The following LRP2 variants were observed in gnomAD, a reference collection of about 807,000 sequenced individuals.
LRP2 encodes low-density lipoprotein receptor-related protein 2.
Under a neutral mutation model 531.0 loss-of-function variants are expected in LRP2, and 172 were observed. That is an observed-to-expected ratio of 0.32 (90% CI 0.29 to 0.37). The LOEUF (loss-of-function observed/expected upper bound fraction) is 0.37, where lower values mean the gene tolerates loss of function less well. Among genes scored for constraint, LRP2 ranks in the 10% least tolerant of loss-of-function variants. LRP2 has a pLI of 1.00. For missense variants in LRP2, 5,167 were observed against 5,868.3 expected (o/e 0.88, Z 3.90); for synonymous variants, 1,992 against 2,027.6 (o/e 0.98, Z 0.47).
At chr2:169,212,375 C>T (rs761114239) in intron 36 of LRP2, among the ~76,000 whole-genome samples, 168 bp from the exon 37 acceptor site, 26 of 152,212 alleles carry the variant, frequency 1.7e-4, no homozygotes, top group Non-Finnish European at 3.7e-4. Context: ...AGAGCTTATA[C>T]AATAACACCT....
At chr2:169,194,541 G>A (rs1327088308) in intron 46 of LRP2, among the ~76,000 whole-genome samples, 1 of 152,060 alleles carries the variant, frequency 6.6e-6, no homozygotes, top group African/African-American at 2.4e-5. Flanking sequence ...AACCCCACAT[G>A]TTCCTATTTA....
chr2:169,304,348 C>T (rs2105487556), intron 4 of LRP2, among the ~76,000 whole-genome samples: 1 of 152,220 alleles, frequency 6.6e-6, no homozygotes, highest in Middle Eastern at 3.4e-3. Context: ...AGCCCTATCT[C>T]TACTATACAA....
chr2:169,198,689 T>C (rs1276163509), intron 45 of LRP2, 97 bp downstream of exon 45: 7 of 1,450,480 alleles, frequency 4.8e-6, no homozygotes, highest in African/African-American at 1.4e-5. Flanking sequence ...GAAATGACAA[T>C]TGAAATCAGC....
chr2:169,192,140 G>A, intron 47 of LRP2, 107 bp from the exon 48 acceptor site: 7 of 716,150 alleles, frequency 9.8e-6, no homozygotes, highest in Admixed American at 2.8e-5. Flanking sequence ...GGAAATGGGA[G>A]GAAAACACGT....
intron 1 of LRP2, among the ~76,000 whole-genome samples, chr2:169,344,303 T>C (rs1216736397): frequency 2.6e-5 from 4 of 151,284 alleles, no homozygotes; most frequent in Non-Finnish European, 5.9e-5. Flanking sequence ...CAGTGTGTGA[T>C]GCTCCCCTCC....
intron 71 of LRP2, among the ~76,000 whole-genome samples, chr2:169,142,325 A>G (rs1685751404): frequency 6.6e-6 from 1 of 152,212 alleles, no homozygotes; most frequent in African/African-American, 2.4e-5. Context: ...AGGAGCTACA[A>G]TTAAGGTTGA....
intron 76 of LRP2, among the ~76,000 whole-genome samples, chr2:169,134,279 AAATCT>A (rs377572779): frequency 4.3e-4 from 65 of 152,022 alleles, no homozygotes; most frequent in African/African-American, 1.4e-3. Context: ...ATAACTTCCA[AAATCT>A]ATTTTCTTTC....
intron 59 of LRP2, among the ~76,000 whole-genome samples, chr2:169,170,168 T>C (rs974466789): frequency 4.6e-5 from 7 of 151,990 alleles, no homozygotes; most frequent in African/African-American, 1.7e-4. Context: ...AGGATTACTC[T>C]GTCAATGATC....
chr2:169,166,289 A>G (rs1355353274), intron 61 of LRP2, among the ~76,000 whole-genome samples: 1 of 152,242 alleles, frequency 6.6e-6, no homozygotes, highest in Non-Finnish European at 1.5e-5. Context: ...TGGAACTTTC[A>G]TTCTAGTAGA....
chr2:169,128,686 C>A lies in LRP2; in HGVS notation c.13945G>T (p.Val4649Phe). The change falls in exon 79 of 79, where the codon GTT (valine) becomes TTT (phenylalanine). Residue 4649 changes from valine (V) to phenylalanine (F), a missense_variant. Physicochemically the swap from Val to Phe is conservative, Grantham distance 50. Around this residue, in one of 6 missense-constraint regions of LRP2, gnomAD observed 348 missense variants for 369.3 expected, o/e 0.94. Coordinates refer to ENST00000649046, the MANE Select transcript of LRP2 (RefSeq NM_004525.3). The part of the protein sequence containing the change: ...EDTFKDTANL[V>F]KEDSEV ...AGCTATACTTCAGAGTCTTCTTTAA[C>A]AAGATTTGCGGTGTCTTTAAAAGTG... 1 of 1,614,074 alleles carries A rather than the reference C, an allele frequency of 6.2e-7. No individual in the cohort carries two copies. Among genetic ancestry groups the A allele is most frequent in the East Asian group, 2.2e-5 (1 of 44,884 alleles).
At position 169,237,177 on chromosome 2, in the gene LRP2, A is replaced by G; in HGVS notation, c.4617T>C (p.Asp1539=). 6.2e-7 allele frequency: 1 copy of G among 1,614,038 alleles called. No homozygotes were observed. Among genetic ancestry groups the G allele is most frequent in the Non-Finnish European group, 8.5e-7 (1 of 1,179,946 alleles). The change falls in exon 28 of 79, where the codon GAT becomes GAC. Residue 1539 remains aspartate (D), a synonymous_variant. Coordinates refer to ENST00000649046, the MANE Select transcript of LRP2 (RefSeq NM_004525.3). ...TAATCAGCACAGTCCTGTGGCTCCC[A>G]TCAATTTTGGAGACTTCAATTGTTT... is the stretch of plus-strand genomic sequence containing the variant. The part of the protein sequence containing the change: ...ALETIEVSKI[D]GSHRTVLISK...
At chr2:169,170,720 A>T in intron 58 of LRP2, 53 bp from the exon 59 acceptor site, 1 of 1,272,258 alleles carries the variant, frequency 7.9e-7, no homozygotes, top group Non-Finnish European at 1.2e-6. Flanking sequence ...CACATACAGG[A>T]GACATCTTGT....
At chr2:169,277,187 C>G (rs1683578583) in intron 13 of LRP2, among the ~76,000 whole-genome samples, 2 of 96,768 alleles carry the variant, frequency 2.1e-5, no homozygotes, top group South Asian at 7.4e-4. Flanking sequence ...GAGTGAGACT[C>G]CATCTCAAAA....
At position 169,206,713 on chromosome 2, in the gene LRP2, C is replaced by A; in HGVS notation, c.7007G>T (p.Arg2336Leu). Residue 2336 changes from arginine to leucine, a missense_variant, in exon 39 of 79, where the codon CGG becomes CTG. By Grantham distance (102) the Arg-to-Leu change is moderately radical. Transcript: ENST00000649046. ...GTTGTTGTTGACCTCTGCTGGTGAC[C>A]GGGGCTGGACTTGCTTGTCAAAGAT... ...VTIFDKQVQP[R>L]SPAEVNNNPC... The A allele has an allele frequency of 6.8e-6, 11 of 1,614,070 alleles. No homozygotes were observed. The highest frequency in any genetic ancestry group is 1.3e-5 in the African/African-American group (1 of 75,018).
Position 169,247,401 on chromosome 2 carries a change from G to A in LRP2, c.2885C>T (p.Ser962Leu), listed in dbSNP as rs575919892. 130 of 1,614,110 alleles carry A rather than the reference G, an allele frequency of 8.1e-5. 2 individuals are homozygous for A. In the South Asian group the frequency reaches 1.2e-3, roughly 15 times the overall value. Reference protein sequence around the residue: ...SGIAYILHLKSYDVNIQTGSN... With the variant: ...SGIAYILHLKLYDVNIQTGSN... ...ACCAGTCTGGATGTTGACATCATAC[G>A]ATTTCAAATGCAGTATGTAAGCAAT... The change falls in exon 20 of 79, where the codon TCG becomes TTG. Residue 962 changes from serine (S) to leucine (L), a missense_variant. Physicochemically the swap from Ser to Leu is moderately radical, Grantham distance 145 (BLOSUM62 -2). Coordinates refer to ENST00000649046, the MANE Select transcript of LRP2 (RefSeq NM_004525.3).
intron 19 of LRP2, among the ~76,000 whole-genome samples, chr2:169,255,040 C>G (rs1019213417): frequency 4.6e-5 from 7 of 152,132 alleles, no homozygotes; most frequent in Non-Finnish European, 7.4e-5. Flanking sequence ...ATTCATTCCA[C>G]ACATACATTC....
At chr2:169,324,135 T>C (rs979869555) in intron 1 of LRP2, among the ~76,000 whole-genome samples, 1 of 152,140 alleles carries the variant, frequency 6.6e-6, no homozygotes, top group Admixed American at 6.5e-5. Flanking sequence ...AATAACCCTA[T>C]GAAATAGATA....
chr2:169,143,063 A>G (rs777959257), intron 70 of LRP2, among the ~76,000 whole-genome samples: 5 of 152,156 alleles, frequency 3.3e-5, no homozygotes, highest in Non-Finnish European at 7.3e-5. Flanking sequence ...CTGCCCTGAG[A>G]GGTTTGGAAG....
At chr2:169,197,392 A>T (rs2105319560) in intron 45 of LRP2, among the ~76,000 whole-genome samples, 1 of 152,346 alleles carries the variant, frequency 6.6e-6, no homozygotes, top group East Asian at 1.9e-4. Flanking sequence ...TGCAATGATA[A>T]TTAAAAGCAA....
Sources: gnomAD v4.1 joint callset for allele counts (sites outside exome capture counted in the v4.1 genomes callset) on GRCh38, gnomAD v4.1.1 for gene constraint, gnomAD v4.1.1 regional missense constraint, MANE v1.5 for transcripts, NCBI Gene and HGNC (gene_info 2026-07-23, HGNC 2026-07-21) for gene names.